The following ATP8A1 variants were observed in gnomAD, a reference collection of about 807,000 sequenced individuals.
The protein encoded by ATP8A1 is ATPase phospholipid transporting 8A1.
ATP8A1 carries 90 observed loss-of-function variants against 177.7 expected under a neutral mutation model. That is an observed-to-expected ratio of 0.51 (90% CI 0.43 to 0.60). The LOEUF (loss-of-function observed/expected upper bound fraction) is 0.60. ATP8A1 is among the 20% of genes least tolerant of loss of function. The pLI, the probability that ATP8A1 is intolerant of heterozygous loss-of-function variation, is 0.00. For missense variants in ATP8A1, 1,072 were observed against 1,392.8 expected, an observed-to-expected ratio of 0.77 and a Z score of 3.67; for synonymous variants, 493 against 485.9, an observed-to-expected ratio of 1.01 and a Z score of -0.19.
chr4:42,625,046 GAAAA>G (rs61670057), intron 3 of ATP8A1: 2 of 127,316 alleles, frequency 1.6e-5, no homozygotes. Flanking sequence ...TGCTTGGGAG[GAAAA>G]AAAAAAAAAA....
intron 5 of ATP8A1, among the ~76,000 whole-genome samples, chr4:42,602,981 T>A (rs946593044): frequency 3.9e-5 from 6 of 152,068 alleles, no homozygotes; most frequent in African/African-American, 7.2e-5. Flanking sequence ...GTCAATAGTG[T>A]CTAGAGCTCT....
intron 27 of ATP8A1, among the ~76,000 whole-genome samples, chr4:42,456,872 A>G (rs1718546684): frequency 6.6e-6 from 1 of 152,180 alleles, no homozygotes; most frequent in Non-Finnish European, 1.5e-5. Context: ...AGCATGAATT[A>G]CTACAAATTC....
intron 33 of ATP8A1, among the ~76,000 whole-genome samples, chr4:42,434,865 G>A (rs1474865291): frequency 1.3e-5 from 2 of 152,238 alleles, no homozygotes; most frequent in Admixed American, 6.5e-5. Context: ...AGTACAGTAA[G>A]TTAAAGGCAA....
chr4:42,586,240 G>T lies in ATP8A1; in HGVS notation c.722+109C>A, dbSNP rs530242755. 5.8e-5 allele frequency: 74 copies of T among 1,280,662 alleles called. 2 individuals are homozygous for T. The South Asian group carries it at 1.1e-3, about 18-fold the overall frequency. The allele number at this position is 1,280,662 out of a possible 1,614,324, so 79.3% of individuals were successfully genotyped here. A position where few individuals can be genotyped will look rare whatever the true frequency, so the allele number is the denominator to read the frequency against. On this transcript the variant is annotated intron_variant, in intron 9 of 36. Transcript: ENST00000381668. ...AAAATGCTTTAAAAAGGGTTTTGAG[G>T]ACTCAAACTTAGCACACAAGAAGAT...
At chr4:42,434,339 CT>C (rs1296444331) in intron 33 of ATP8A1, among the ~76,000 whole-genome samples, 22 of 152,130 alleles carry the variant, frequency 1.4e-4, no homozygotes, top group African/African-American at 5.1e-4. Context: ...TGCATTTTAC[CT>C]TTTTAAAAAA....
intron 1 of ATP8A1, among the ~76,000 whole-genome samples, chr4:42,641,257 C>A (rs1254167409): frequency 2.6e-5 from 4 of 152,056 alleles, no homozygotes; most frequent in African/African-American, 4.8e-5. Context: ...TGTGTAAATA[C>A]AATATGGGAG....
intron 25 of ATP8A1, among the ~76,000 whole-genome samples, chr4:42,466,357 C>T (rs1719765760): frequency 6.6e-6 from 1 of 152,192 alleles, no homozygotes. Flanking sequence ...AAGATCACCA[C>T]TTTGAGAGAA....
intron 20 of ATP8A1, among the ~76,000 whole-genome samples, chr4:42,528,874 T>C (rs1285219228): frequency 6.6e-6 from 1 of 152,158 alleles, no homozygotes; most frequent in Non-Finnish European, 1.5e-5. Flanking sequence ...GAAATAAACC[T>C]GACTAAAATT....
rs1041174669 is a variant in ATP8A1 at position 42,655,813 on chromosome 4, A to G, written c.49+1012T>C. ...CTGAAATCCAATTCTCCTAACTTAT[A>G]TATTTTTCTAAAACCACTTCACCAC... On this transcript the variant is annotated intron_variant, in intron 1 of 36. Transcript: ENST00000381668. 2.6e-5 allele frequency among the ~76,000 whole-genome samples: 4 copies of G among 152,208 alleles called. No individual in the cohort carries two copies. In the East Asian group the frequency reaches 5.8e-4, roughly 22 times the overall value.
intron 35 of ATP8A1, among the ~76,000 whole-genome samples, chr4:42,420,382 C>T (rs570827854): frequency 6.6e-6 from 1 of 152,268 alleles, no homozygotes; most frequent in South Asian, 2.1e-4. Context: ...AACTAAATAG[C>T]TATTTTAGGC....
At chr4:42,649,987 G>A (rs7693131) in intron 1 of ATP8A1, among the ~76,000 whole-genome samples, 94,282 of 151,902 alleles carry the variant, frequency 0.62, 30,029 homozygotes, top group Middle Eastern at 0.72. Context: ...GGCTCCTTTC[G>A]CTAAGAAGTA....
chr4:42,546,776 T>C (rs1728982035), intron 19 of ATP8A1, among the ~76,000 whole-genome samples: 1 of 152,156 alleles, frequency 6.6e-6, no homozygotes. Flanking sequence ...CTCAAACTTC[T>C]TACCTAACCT....
chr4:42,600,603 A>T, intron 5 of ATP8A1, 85 bp from the exon 6 acceptor site: 2 of 1,275,224 alleles, frequency 1.6e-6, no homozygotes, highest in Non-Finnish European at 2.2e-6. Context: ...TTAAACGAAT[A>T]GCTTCAGTCA....
intron 17 of ATP8A1, 62 bp from the exon 18 acceptor site, chr4:42,551,342 G>T: frequency 1.7e-6 from 2 of 1,160,742 alleles, no homozygotes; most frequent in South Asian, 1.2e-5. Context: ...CTCAGCACAA[G>T]AGAAGTACAT....
At chr4:42,530,514 GGGCTCA>G (rs1727157850) in intron 20 of ATP8A1, among the ~76,000 whole-genome samples, 1 of 152,198 alleles carries the variant, frequency 6.6e-6, no homozygotes, top group African/African-American at 2.4e-5. Context: ...GTGTGGCAGT[GGGCTCA>G]TGCATCCACT....
chr4:42,589,607 A>C (rs544153068), intron 7 of ATP8A1, among the ~76,000 whole-genome samples: 2 of 152,314 alleles, frequency 1.3e-5, no homozygotes, highest in Middle Eastern at 3.4e-3. Flanking sequence ...CCCAAAATTA[A>C]GTCCTTCAAT....
chr4:42,564,808 A>G (rs566412527), intron 15 of ATP8A1, among the ~76,000 whole-genome samples: 5 of 152,284 alleles, frequency 3.3e-5, no homozygotes, highest in East Asian at 1.9e-4. Flanking sequence ...ATGTGAGGAC[A>G]TAAGATTTGG....
intron 18 of ATP8A1, among the ~76,000 whole-genome samples, chr4:42,550,320 G>A (rs4444865): frequency 0.32 from 48,516 of 151,578 alleles, 7,940 homozygotes; most frequent in South Asian, 0.48. Context: ...TTGTGAGACT[G>A]TATCACAATT....
chr4:42,423,499 T>C (rs1714231087), intron 34 of ATP8A1, 118 bp downstream of exon 34: 1 of 534,850 alleles, frequency 1.9e-6, no homozygotes, highest in Non-Finnish European at 3.1e-6. Flanking sequence ...TAAAATTAAG[T>C]AATATTACCA....
Sources: allele counts gnomAD v4.1 joint callset (sites outside exome capture counted in the v4.1 genomes callset), GRCh38; gene constraint gnomAD v4.1.1; transcripts MANE v1.5; gene names NCBI Gene and HGNC (gene_info 2026-07-23, HGNC 2026-07-21).